The following ADGRB3 variants were observed in gnomAD, a reference collection of about 807,000 sequenced individuals.
ADGRB3 encodes the protein adhesion G protein-coupled receptor B3.
In ADGRB3, 37 loss-of-function variants were observed where a neutral mutation model predicts 193.4. The observed-to-expected ratio is 0.19, with a 90% CI of 0.15 to 0.25. The LOEUF is 0.25. ADGRB3 is among the 10% of genes least tolerant of loss of function. The pLI, the probability that ADGRB3 is intolerant of heterozygous loss-of-function variation, is 1.00. For missense variants in ADGRB3, 1,637 were observed against 1,852.9 expected (o/e 0.88, Z 2.14); for synonymous variants, 690 against 644.2 (o/e 1.07, Z -1.08).
At chr6:69,218,765 A>G (rs988319479) in intron 17 of ADGRB3, among the ~76,000 whole-genome samples, 1 of 152,128 alleles carries the variant, frequency 6.6e-6, no homozygotes. Flanking sequence ...AGTAGACAAA[A>G]TCGGAGCCAA....
Position 69,339,456 on chromosome 6 carries a change from A to G in ADGRB3, c.3411A>G (p.Ser1137=), listed in dbSNP as rs757125290. The G allele has an allele frequency of 6.2e-7, 1 of 1,613,904 alleles. No homozygotes were observed. Among genetic ancestry groups the G allele is most frequent in the Non-Finnish European group, 8.5e-7 (1 of 1,179,910 alleles). Residue 1137 remains serine (S), a synonymous_variant, in exon 26 of 32, where the codon TCA becomes TCG. Coordinates refer to ENST00000370598, the MANE Select transcript of ADGRB3 (RefSeq NM_001704.3). ...AAATACTTTTTGCTGTGTTTGATTC[A>G]TTGCAAGGCTTTGTTATAGTCATGG... ...LFQILFAVFD[S]LQGFVIVMVH...
chr6:68,690,303 A>C (rs1765050627), intron 3 of ADGRB3, among the ~76,000 whole-genome samples: 1 of 152,130 alleles, frequency 6.6e-6, no homozygotes, highest in African/African-American at 2.4e-5. Flanking sequence ...AAAGACTTGG[A>C]AATATTACAA....
At chr6:69,232,470 CCTACTGGACTTTGGGGTGGGGTTAT>C in intron 17 of ADGRB3, 1 of 1,530,808 alleles carries the variant, frequency 6.5e-7, no homozygotes, top group South Asian at 1.2e-5. Flanking sequence ...CTTCCCTACT[CCTACTGGACTTTGGGGTGGGGTTAT>C]TCCTCTGAAT....
intron 11 of ADGRB3, among the ~76,000 whole-genome samples, chr6:68,999,180 C>T (rs1423289617): frequency 6.6e-6 from 1 of 152,094 alleles, no homozygotes; most frequent in African/African-American, 2.4e-5. Flanking sequence ...AAAACTTTTC[C>T]CTTCAAGCAT....
At chr6:68,986,282 C>G (rs1258391485) in intron 10 of ADGRB3, among the ~76,000 whole-genome samples, 1 of 152,122 alleles carries the variant, frequency 6.6e-6, no homozygotes, top group East Asian at 1.9e-4. Context: ...ATTCCTCAGA[C>G]AAGAAACTGG....
intron 17 of ADGRB3, among the ~76,000 whole-genome samples, chr6:69,113,349 G>A (rs1419219239): frequency 6.6e-6 from 1 of 151,412 alleles, no homozygotes; most frequent in Non-Finnish European, 1.5e-5. Context: ...ATATTTATAT[G>A]TGTATATGTA....
chr6:68,967,602 C>T (rs1274145157), intron 8 of ADGRB3, among the ~76,000 whole-genome samples: 8 of 151,640 alleles, frequency 5.3e-5, no homozygotes, highest in Non-Finnish European at 1.0e-4. Context: ...GGATCCACCC[C>T]CCACCTCCAC....
At chr6:68,813,618 C>T (rs578187865) in intron 3 of ADGRB3, among the ~76,000 whole-genome samples, 164 of 151,576 alleles carry the variant, frequency 1.1e-3, no homozygotes, top group African/African-American at 3.6e-3. Flanking sequence ...AGGTTTGTTA[C>T]ATATGTATAC....
At chr6:69,016,429 G>A (rs753550780) in intron 12 of ADGRB3, among the ~76,000 whole-genome samples, 23 of 151,804 alleles carry the variant, frequency 1.5e-4, no homozygotes, top group Non-Finnish European at 1.6e-4. Flanking sequence ...CAAGGTAAAC[G>A]GTAACTAGTT....
At chr6:69,144,852 C>T (rs560686684) in intron 17 of ADGRB3, among the ~76,000 whole-genome samples, 1 of 131,310 alleles carries the variant, frequency 7.6e-6, no homozygotes, top group East Asian at 2.1e-4. Flanking sequence ...TAATCAGGAA[C>T]ATTGGTCTGT....
In ADGRB3 at chr6:68,635,390, AT is replaced by A. The variant is rs1451773598; in HGVS notation, c.-791del. The A allele has an allele frequency of 2.6e-5, 4 of 152,014 alleles. No individual in the cohort carries two copies. Among genetic ancestry groups the A allele is most frequent in the South Asian group, 2.1e-4 (1 of 4,802 alleles). 9.4% of individuals were successfully genotyped at this position (152,014 alleles called of 1,614,324 possible). Reference sequence around the variant, plus strand: ...AGCTTTCCGACATCACCAGCCAAGGATTTTTTTCCCCGCTCTCCTTAGTCGC... The same window carrying A: ...AGCTTTCCGACATCACCAGCCAAGGATTTTTTCCCCGCTCTCCTTAGTCGC... On this transcript the variant is annotated 5_prime_UTR_variant, in exon 1 of 32. Coordinates refer to ENST00000370598, the MANE Select transcript of ADGRB3 (RefSeq NM_001704.3).
At chr6:69,124,549 A>G (rs1773804983) in intron 17 of ADGRB3, among the ~76,000 whole-genome samples, 1 of 152,312 alleles carries the variant, frequency 6.6e-6, no homozygotes, top group South Asian at 2.1e-4. Flanking sequence ...TGTCGGGTTT[A>G]CATACTTTAT....
At chr6:69,190,259 T>A (rs1248145626) in intron 17 of ADGRB3, among the ~76,000 whole-genome samples, 1 of 152,112 alleles carries the variant, frequency 6.6e-6, no homozygotes, top group Non-Finnish European at 1.5e-5. Context: ...CGTGTTATTG[T>A]CCTTAAAGAC....
chr6:68,975,609 C>T (rs1020738128), intron 10 of ADGRB3, among the ~76,000 whole-genome samples: 1 of 152,136 alleles, frequency 6.6e-6, no homozygotes, highest in African/African-American at 2.4e-5. Context: ...ATCTGTTATT[C>T]AGTTTTACCT....
chr6:69,110,109 G>A (rs555579561), intron 17 of ADGRB3, among the ~76,000 whole-genome samples: 5 of 151,948 alleles, frequency 3.3e-5, no homozygotes, highest in South Asian at 2.1e-4. Flanking sequence ...CACCACGACT[G>A]GCTAATTTTT....
intron 17 of ADGRB3, among the ~76,000 whole-genome samples, chr6:69,081,401 A>C (rs1182500731): frequency 6.6e-6 from 1 of 151,996 alleles, no homozygotes. Context: ...TTGGTTTTCA[A>C]ATTTATTGTG....
chr6:68,659,372 A>G (rs1310724055), intron 3 of ADGRB3, among the ~76,000 whole-genome samples: 1 of 150,828 alleles, frequency 6.6e-6, no homozygotes, highest in East Asian at 1.9e-4. Context: ...GGTCATTGTC[A>G]GTAAAAAAAT....
chr6:68,936,625 C>T lies in ADGRB3; in HGVS notation c.975C>T (p.His325=), dbSNP rs1253462108. Residue 325 remains histidine (H), a synonymous_variant, in exon 5 of 32, where the codon CAC becomes CAT. Transcript: ENST00000370598. ...CTTGTGTATCACCTTACGGGACACACTGCAGCGGCCCATTAAGAGAATCAA... is the reference window on the plus strand; with the variant it reads ...CTTGTGTATCACCTTACGGGACACATTGCAGCGGCCCATTAAGAGAATCAA... ...TRTCVSPYGT[H]CSGPLRESRV... 6.2e-7 allele frequency: 1 copy of T among 1,613,902 alleles called. No homozygotes were observed.
At chr6:69,052,632 TACAAAG>T (rs1268518933) in intron 15 of ADGRB3, among the ~76,000 whole-genome samples, 4 of 152,166 alleles carry the variant, frequency 2.6e-5, no homozygotes, top group Non-Finnish European at 5.9e-5. Flanking sequence ...TTGTCCTTCA[TACAAAG>T]ACAAAAATAA....
Sources: allele counts gnomAD v4.1 joint callset (sites outside exome capture counted in the v4.1 genomes callset), GRCh38; gene constraint gnomAD v4.1.1; transcripts MANE v1.5; gene names NCBI Gene and HGNC (gene_info 2026-07-23, HGNC 2026-07-21).